Variants in DOC2A observed in about 807,000 individuals in gnomAD.
DOC2A encodes double C2 domain alpha.
A neutral mutation model predicts 40.6 loss-of-function variants in DOC2A; 28 were observed. That is an observed-to-expected ratio of 0.69 (90% confidence interval 0.51 to 0.95). The LOEUF (loss-of-function observed/expected upper bound fraction) is 0.95, where lower values mean the gene tolerates loss of function less well. Among genes scored for constraint, DOC2A ranks in the 40% least tolerant of loss-of-function variants. The pLI, the probability that DOC2A is intolerant of heterozygous loss-of-function variation, is 0.00. For synonymous variants in DOC2A, 241 were observed against 236.9 expected, an observed-to-expected ratio of 1.02 and a Z score of -0.16; for missense variants, 474 against 552.5, an observed-to-expected ratio of 0.86 and a Z score of 1.42.
chr16:30,009,608 G>A lies in DOC2A; in HGVS notation c.263-51C>T. 1.3e-6 allele frequency: 2 copies of A among 1,483,072 alleles called. No homozygotes were observed. Among genetic ancestry groups the A allele is most frequent in the Non-Finnish European group, 1.8e-6 (2 of 1,089,544 alleles). 91.9% of individuals were successfully genotyped at this position (1,483,072 alleles called of 1,614,324 possible). A position where few individuals can be genotyped will look rare whatever the true frequency, so the allele number is the denominator to read the frequency against. ...GGTCGGTATGGAGACAGGTGTGTGC[G>A]AGAGGCCAGCAGGTGGGCACTGGCT... On this transcript the variant is annotated intron_variant, in intron 2 of 10. Transcript: ENST00000350119. This position sits in a 1 kb window ranked among gnomAD's most constrained non-coding sequence, Gnocchi z 4.1.
intron 1 of DOC2A, among the ~76,000 whole-genome samples, chr16:30,018,102 CCAA>C (rs1478942710): frequency 1.3e-5 from 1 of 79,030 alleles, no homozygotes; most frequent in East Asian, 3.4e-4. Context: ...CCTATTTCTA[CCAA>C]AAAAAAAAAA....
Position 30,009,274 on chromosome 16 carries a change from G to C in DOC2A, c.345C>G (p.Gly115=), listed in dbSNP as rs1327873953. The C allele has an allele frequency of 6.4e-7, 1 of 1,557,076 alleles. No individual in the cohort carries two copies. ...TLHCSILRAK[G]LKPMDFNGLA... ...GGCCATTGAAATCCATGGGCTTGAGGCCCTGGAGAGGAGGGCAGGGGAGAG... is the reference window on the plus strand; with the variant it reads ...GGCCATTGAAATCCATGGGCTTGAGCCCCTGGAGAGGAGGGCAGGGGAGAG... Residue 115 remains glycine (G), a splice_region_variant and synonymous_variant, in exon 4 of 11, where the codon GGC becomes GGG. Coordinates refer to ENST00000350119, the MANE Select transcript of DOC2A (RefSeq NM_003586.3). The surrounding 1 kb of genome is among the most constrained non-coding windows in gnomAD (Gnocchi z 4.1).
Position 30,010,290 on chromosome 16 carries a change from G to A in DOC2A, c.-13-55C>T. The A allele has an allele frequency of 1.9e-6, 3 of 1,603,686 alleles. No individual in the cohort carries two copies. Among genetic ancestry groups the A allele is most frequent in the South Asian group, 1.1e-5 (1 of 91,032 alleles). The stretch of plus-strand genomic sequence containing the variant: ...CATCATACCTAGCCATCCTGGCTGA[G>A]GGCCAGGCGACGGCCTCCTCGGTCT... On this transcript the variant is annotated intron_variant, in intron 1 of 10. Coordinates refer to ENST00000350119, the MANE Select transcript of DOC2A (RefSeq NM_003586.3). The surrounding 1 kb of genome is among the most constrained non-coding windows in gnomAD (Gnocchi z 4.2).
chr16:30,005,840 C>G lies in DOC2A; in HGVS notation c.*346G>C. On this transcript the variant is annotated 3_prime_UTR_variant, in exon 11 of 11. Transcript: ENST00000350119. ...GAGACATTCTCCTCCTCTGAACCTC[C>G]CCTAATCCGACCTCCTCCCTGTTGG... The G allele has an allele frequency of 2.1e-6, 1 of 475,306 alleles. No individual in the cohort carries two copies. The highest frequency in any genetic ancestry group is 4.0e-5 in the East Asian group (1 of 24,858). The allele number at this position is 475,306 out of a possible 1,614,324, so 29.4% of individuals were successfully genotyped here. A position where few individuals can be genotyped will look rare whatever the true frequency, so the allele number is the denominator to read the frequency against.
Position 30,007,044 on chromosome 16 carries a change from C to G in DOC2A, c.701G>C (p.Cys234Ser). The G allele has an allele frequency of 1.2e-6, 2 of 1,614,056 alleles. No homozygotes were observed. Among genetic ancestry groups the G allele is most frequent in the Non-Finnish European group, 1.7e-6 (2 of 1,179,980 alleles). Residue 234 changes from cysteine to serine, a missense_variant, in exon 7 of 11, where the codon TGT (cysteine) becomes TCT (serine). Coordinates refer to ENST00000350119, the MANE Select transcript of DOC2A (RefSeq NM_003586.3). ...SMSAALRGIS[C>S]YLKELEQAEQ... ...GAGGTGCCTCACCTCCTTCAGATAA[C>G]AGGAGATGCCCCTCAGCGCCGCTGA...
intron 1 of DOC2A, among the ~76,000 whole-genome samples, chr16:30,017,433 T>G (rs2070865400): frequency 6.6e-6 from 1 of 152,070 alleles, no homozygotes; most frequent in Non-Finnish European, 1.5e-5. Flanking sequence ...AAATGTGATA[T>G]GTATATGCCA....
upstream of DOC2A, chr16:30,011,335 G>C (rs7202271): frequency 0.082 from 81,151 of 984,798 alleles, 5,387 homozygotes; most frequent in African/African-American, 0.33. Flanking sequence ...CTTACCCGGA[G>C]AACTTCGCAC....
At position 30,005,605 on chromosome 16, in the gene DOC2A, A is replaced by T; in HGVS notation, c.*581T>A. ...TAAACATGCACGGGTGTCCCCCAGGAGGGTGGCAGGGGCCCTGCCTTCAAA... is the reference window on the plus strand; with the variant it reads ...TAAACATGCACGGGTGTCCCCCAGGTGGGTGGCAGGGGCCCTGCCTTCAAA... On this transcript the variant is annotated 3_prime_UTR_variant, in exon 11 of 11. Transcript: ENST00000350119. The T allele has an allele frequency of 1.4e-6, 1 of 703,574 alleles. No individual in the cohort carries two copies. The allele number at this position is 703,574 out of a possible 1,614,324, so 43.6% of individuals were successfully genotyped here. A position where few individuals can be genotyped will look rare whatever the true frequency, so the allele number is the denominator to read the frequency against.
chr16:30,016,055 A>ATATATTTTT (rs1163519904), upstream of DOC2A, among the ~76,000 whole-genome samples: 1 of 16,896 alleles, frequency 5.9e-5, no homozygotes, highest in Admixed American at 1.2e-3. Context: ...ATATATATAT[A>ATATATTTTT]TTTTTTTTTT....
At chr16:30,008,645 C>T (rs1390205681) in intron 5 of DOC2A, 4 of 298,894 alleles carry the variant, frequency 1.3e-5, no homozygotes, top group African/African-American at 8.7e-5. Flanking sequence ...CTGGGATTTA[C>T]AGGTACATGC....
intron 1 of DOC2A, among the ~76,000 whole-genome samples, chr16:30,019,579 C>T (rs1264881614): frequency 6.6e-6 from 1 of 152,070 alleles, no homozygotes; most frequent in Non-Finnish European, 1.5e-5. Context: ...TCAAAATGGC[C>T]TTTACTAGTA....
Position 30,010,154 on chromosome 16 carries a change from G to A in DOC2A, c.69C>T (p.Pro23=), listed in dbSNP as rs529282003. ...IQEHMAINVC[P]GPIRPIRQIS... ...TCTGGCGGATGGGCCGGATGGGCCC[G>A]GGGCACACGTTGATGGCCATGTGCT... The change falls in exon 2 of 11, where the codon CCC becomes CCT. Residue 23 remains proline (P), a synonymous_variant. Coordinates refer to ENST00000350119, the MANE Select transcript of DOC2A (RefSeq NM_003586.3). This position sits in a 1 kb window ranked among gnomAD's most constrained non-coding sequence, Gnocchi z 4.2. 41 of 1,613,934 alleles carry A rather than the reference G, an allele frequency of 2.5e-5. No individual in the cohort carries two copies. Among genetic ancestry groups the A allele is most frequent in the East Asian group, 1.1e-4 (5 of 44,876 alleles).
intron 1 of DOC2A, among the ~76,000 whole-genome samples, chr16:30,020,682 TA>T (rs1389337453): frequency 6.6e-6 from 1 of 151,906 alleles, no homozygotes; most frequent in Non-Finnish European, 1.5e-5. Context: ...GTCTCTACTT[TA>T]AAAAACTACA....
At chr16:30,019,549 T>A (rs1187685105) in intron 1 of DOC2A, among the ~76,000 whole-genome samples, 1 of 152,146 alleles carries the variant, frequency 6.6e-6, no homozygotes, top group Non-Finnish European at 1.5e-5. Flanking sequence ...AATGGGTGAA[T>A]GGATAATGCA....
Position 30,008,982 on chromosome 16 carries a change from A to G in DOC2A, c.527+14T>C. ...CCCGAGCTGCTGCTGGGTGGTGGGG[A>G]GGGGGGCCCTCACCTGAGCACCTTG... On this transcript the variant is annotated intron_variant, in intron 5 of 10. Coordinates refer to ENST00000350119, the MANE Select transcript of DOC2A (RefSeq NM_003586.3). The G allele has an allele frequency of 1.3e-6, 2 of 1,580,400 alleles. No homozygotes were observed. The highest frequency in any genetic ancestry group is 1.7e-6 in the Non-Finnish European group (2 of 1,150,308).
In DOC2A at chr16:30,010,199, GC is replaced by G; in HGVS notation, c.23del (p.Arg8ProfsTer2). 1 of 1,613,978 alleles carries G rather than the reference GC, an allele frequency of 6.2e-7. No individual in the cohort carries two copies. Among genetic ancestry groups the G allele is most frequent in the Non-Finnish European group, 8.5e-7 (1 of 1,179,970 alleles). MRGRRGD[R>X]MTINIQEHMA... ...TGTGCTCCTGGATGTTGATGGTCAT[GC>G]GATCGCCCCTGCGGCCCCTCATGCA... On this transcript the variant is annotated frameshift_variant, in exon 2 of 11. Coordinates refer to ENST00000350119, the MANE Select transcript of DOC2A (RefSeq NM_003586.3). LOFTEE classifies it high-confidence loss of function. This position sits in a 1 kb window ranked among gnomAD's most constrained non-coding sequence, Gnocchi z 4.2.
chr16:30,006,798 G>T lies in DOC2A; in HGVS notation c.865C>A (p.Pro289Thr), dbSNP rs777865019. Residue 289 changes from proline (P) to threonine (T), a missense_variant, in exon 8 of 11, where the codon CCC becomes ACC. Physicochemically the swap from Pro to Thr is conservative, Grantham distance 38. Transcript: ENST00000350119. The surrounding 1 kb of genome is among the most constrained non-coding windows in gnomAD (Gnocchi z 6.2). ...GCAAGGGCTCACGTCTTGACGTAGG[G>T]GTCCGAGTAACCGTTGACGTCCATG... ...AAMDVNGYSD[P>T]YVKTYLRPDV... 3 of 1,613,758 alleles carry T rather than the reference G, an allele frequency of 1.9e-6. No individual in the cohort carries two copies. Among genetic ancestry groups the T allele is most frequent in the Non-Finnish European group, 2.5e-6 (3 of 1,179,978 alleles).
upstream of DOC2A, among the ~76,000 whole-genome samples, chr16:30,014,039 A>T (rs1028628422): frequency 1.6e-4 from 25 of 152,078 alleles, no homozygotes; most frequent in African/African-American, 5.8e-4. Flanking sequence ...TCTTAAATGT[A>T]GCACGTTCCA....
chr16:30,008,946 T>G, intron 5 of DOC2A, 50 bp downstream of exon 5: 1 of 1,249,050 alleles, frequency 8.0e-7, no homozygotes, highest in Non-Finnish European at 1.2e-6. Flanking sequence ...GCGGTTACAA[T>G]GTCAGCTGTC....
Sources: gnomAD v4.1 joint callset for allele counts (sites outside exome capture counted in the v4.1 genomes callset) on GRCh38, gnomAD v4.1.1 for gene constraint, Gnocchi (gnomAD v3.1) non-coding constraint, MANE v1.5 for transcripts, NCBI Gene and HGNC (gene_info 2026-07-23, HGNC 2026-07-21) for gene names.